The following ABCA8 variants were observed in gnomAD, a reference collection of about 807,000 sequenced individuals.
The protein encoded by ABCA8 is ABC-type organic anion transporter ABCA8.
ABCA8 carries 177 observed loss-of-function variants against 192.3 expected under a neutral mutation model. The ratio of observed to expected loss-of-function variants is 0.92; its 90% CI spans 0.81 to 1.04. The LOEUF (loss-of-function observed/expected upper bound fraction) is 1.04, where lower values mean the gene tolerates loss of function less well. ABCA8 is among the 50% of genes least tolerant of loss of function. The probability of loss-of-function intolerance (pLI) is 0.00; values close to 1 mark genes in which losing one functional copy is unlikely to be tolerated. For missense variants in ABCA8, 1,915 were observed against 1,904.8 expected, an observed-to-expected ratio of 1.01 and a Z score of -0.10; for synonymous variants, 642 against 690.2, an observed-to-expected ratio of 0.93 and a Z score of 1.09.
intron 37 of ABCA8, among the ~76,000 whole-genome samples, chr17:68,871,881 C>T (rs1178388882): frequency 6.6e-6 from 1 of 151,058 alleles, no homozygotes; most frequent in Non-Finnish European, 1.5e-5. Flanking sequence ...TGATAAATGA[C>T]TATGTTACTA....
At chr17:68,887,272 A>G (rs1488413362) in intron 25 of ABCA8, 64 bp downstream of exon 25, 1 of 1,454,922 alleles carries the variant, frequency 6.9e-7, no homozygotes, top group African/African-American at 1.4e-5. Context: ...ATGTTCCAAA[A>G]TTTCAAATTA....
At chr17:68,952,697 A>G (rs911826202) in intron 1 of ABCA8, among the ~76,000 whole-genome samples, 2 of 152,272 alleles carry the variant, frequency 1.3e-5, no homozygotes, top group South Asian at 4.1e-4. Flanking sequence ...TCTGTAGGCT[A>G]GCTCACTGTG....
chr17:68,932,661 C>T, intron 6 of ABCA8, 147 bp from the exon 7 acceptor site: 3 of 613,660 alleles, frequency 4.9e-6, no homozygotes, highest in South Asian at 2.2e-5. Flanking sequence ...CTGTCATTGA[C>T]CTGCTGGGAC....
At chr17:68,912,312 C>G (rs991380819) in intron 17 of ABCA8, among the ~76,000 whole-genome samples, 7 of 151,900 alleles carry the variant, frequency 4.6e-5, no homozygotes, top group Non-Finnish European at 1.0e-4. Flanking sequence ...GCTAAAATAT[C>G]AACTGACATA....
At chr17:68,929,728 T>C (rs1217036255) in intron 7 of ABCA8, 26 bp from the exon 8 acceptor site, 1 of 1,576,826 alleles carries the variant, frequency 6.3e-7, no homozygotes, top group Non-Finnish European at 8.6e-7. Flanking sequence ...AATGTTATTT[T>C]AGTATTTTAT....
intron 11 of ABCA8, among the ~76,000 whole-genome samples, chr17:68,923,177 C>T (rs1035307212): frequency 1.3e-5 from 2 of 149,552 alleles, no homozygotes; most frequent in Non-Finnish European, 3.0e-5. Flanking sequence ...TCATATAAAG[C>T]TATTTAATTA....
At chr17:68,900,268 T>C (rs189731676) in intron 21 of ABCA8, among the ~76,000 whole-genome samples, 2 of 152,106 alleles carry the variant, frequency 1.3e-5, no homozygotes, top group East Asian at 3.9e-4. Flanking sequence ...AAAGAGGGCA[T>C]GAATACCAGT....
In ABCA8 at chr17:68,883,756, T is replaced by G; in HGVS notation, c.3707+35A>C. ...CATGAAAAATATTTTACGATATTGA[T>G]CAACAAAATAAAAATCTGATGTGTT... is the stretch of plus-strand genomic sequence containing the variant. On this transcript the variant is annotated intron_variant, in intron 29 of 39. Coordinates refer to ENST00000586539, the MANE Select transcript of ABCA8 (RefSeq NM_001288985.2). 4 of 1,332,218 alleles carry G rather than the reference T, an allele frequency of 3.0e-6. No individual in the cohort carries two copies. In the Admixed American group the frequency reaches 6.5e-5, roughly 22 times the overall value. 82.5% of individuals were successfully genotyped at this position (1,332,218 alleles called of 1,614,324 possible).
chr17:68,883,804 C>G lies in ABCA8; in HGVS notation c.3694G>C (p.Asp1232His), dbSNP rs1450836729. ...WKFGKKSMRKDPFFRISPRSS... is the reference protein window; with the variant it reads ...WKFGKKSMRKHPFFRISPRSS... Reference sequence around the variant, plus strand: ...GTTTTTTCCAACCTAAAGAAAGGATCCTTTCTCATTGATTTCTTTCCAAAC... The same window carrying G: ...GTTTTTTCCAACCTAAAGAAAGGATGCTTTCTCATTGATTTCTTTCCAAAC... Residue 1232 changes from aspartate (D) to histidine (H), a missense_variant, in exon 29 of 40, where the codon GAT becomes CAT. By Grantham distance (81) the Asp-to-His change is moderately conservative (BLOSUM62 -1). Transcript: ENST00000586539. The G allele has an allele frequency of 6.3e-7, 1 of 1,585,260 alleles. No individual in the cohort carries two copies. Among genetic ancestry groups the G allele is most frequent in the South Asian group, 1.2e-5 (1 of 84,982 alleles).
intron 17 of ABCA8, among the ~76,000 whole-genome samples, chr17:68,909,219 T>G (rs1241962372): frequency 6.6e-6 from 1 of 152,190 alleles, no homozygotes; most frequent in Non-Finnish European, 1.5e-5. Context: ...AAGGGGAGGT[T>G]GTAAAACTTT....
intron 11 of ABCA8, among the ~76,000 whole-genome samples, chr17:68,923,028 A>G (rs1467180750): frequency 6.6e-6 from 1 of 152,192 alleles, no homozygotes; most frequent in Non-Finnish European, 1.5e-5. Flanking sequence ...ACTTATGCTT[A>G]GTACTATTAT....
At chr17:68,917,895 G>T (rs2067418474) in intron 16 of ABCA8, 152 bp downstream of exon 16, 8 of 892,430 alleles carry the variant, frequency 9.0e-6, no homozygotes, top group Non-Finnish European at 1.3e-5. Flanking sequence ...GTTGCAAGAG[G>T]CTTTGCGTCC....
Position 68,929,157 on chromosome 17 carries a change from G to A in ABCA8, c.1017C>T (p.Val339=), listed in dbSNP as rs751064327. 5.0e-6 allele frequency: 8 copies of A among 1,611,832 alleles called. No individual in the cohort carries two copies. The highest frequency in any genetic ancestry group is 6.8e-6 in the Non-Finnish European group (8 of 1,178,650). ...LTGLVVFLLT[V]FWGCLGFTSL... Reference sequence around the variant, plus strand: ...ATGTGAACCCCAGACACCCCCAAAAGACAGTGAGGAGGAACACGACCAGGC... The same window carrying A: ...ATGTGAACCCCAGACACCCCCAAAAAACAGTGAGGAGGAACACGACCAGGC... The change falls in exon 9 of 40, where the codon GTC becomes GTT. Residue 339 remains valine, a synonymous_variant. Transcript: ENST00000586539.
Position 68,881,845 on chromosome 17 carries a change from A to T in ABCA8, c.3946+18T>A. 6.3e-7 allele frequency: 1 copy of T among 1,586,940 alleles called. No individual in the cohort carries two copies. The highest frequency in any genetic ancestry group is 8.7e-7 in the Non-Finnish European group (1 of 1,155,624). On this transcript the variant is annotated intron_variant, in intron 31 of 39. Coordinates refer to ENST00000586539, the MANE Select transcript of ABCA8 (RefSeq NM_001288985.2). The stretch of plus-strand genomic sequence containing the variant: ...GAGGAGGGCTCTGAGCCAGAAGTGG[A>T]AGATCCCTATGGCCAACCTTTTCTA...
chr17:68,876,220 A>G (rs1485813438), intron 35 of ABCA8: 1 of 575,950 alleles, frequency 1.7e-6, no homozygotes, highest in African/African-American at 1.9e-5. Flanking sequence ...CGCTTATGAA[A>G]CTCAAGAGTG....
chr17:68,875,834 CAA>C (rs2066190298), intron 35 of ABCA8, 101 bp from the exon 36 acceptor site: 1 of 1,345,308 alleles, frequency 7.4e-7, no homozygotes, highest in Non-Finnish European at 1.0e-6. Flanking sequence ...GAATAATTAG[CAA>C]AAAGAGATTA....
intron 37 of ABCA8, among the ~76,000 whole-genome samples, chr17:68,871,570 C>G (rs2066055750): frequency 6.6e-6 from 1 of 152,072 alleles, no homozygotes; most frequent in Non-Finnish European, 1.5e-5. Flanking sequence ...TATTCAAGTC[C>G]TTAGCACATT....
chr17:68,954,942 A>G (rs1190800059), intron 1 of ABCA8, among the ~76,000 whole-genome samples: 1 of 152,202 alleles, frequency 6.6e-6, no homozygotes, highest in Non-Finnish European at 1.5e-5. Context: ...ACTTATTTCT[A>G]CACTCAGTTA....
At chr17:68,952,763 T>A (rs1004143199) in intron 1 of ABCA8, among the ~76,000 whole-genome samples, 3 of 152,128 alleles carry the variant, frequency 2.0e-5, no homozygotes, top group African/African-American at 7.2e-5. Flanking sequence ...ATTATACTTC[T>A]ATAGATAACT....
Sources: gnomAD v4.1 joint callset for allele counts (sites outside exome capture counted in the v4.1 genomes callset) on GRCh38, gnomAD v4.1.1 for gene constraint, MANE v1.5 for transcripts, NCBI Gene and HGNC (gene_info 2026-07-23, HGNC 2026-07-21) for gene names.